Variants in LRRC37A2 observed in about 807,000 individuals in gnomAD.
The protein encoded by LRRC37A2 is leucine rich repeat containing 37 member A2, also known as leucine-rich repeat-containing protein 37A2.
A neutral mutation model predicts 68.8 loss-of-function variants in LRRC37A2; 9 were observed. That is an observed-to-expected ratio of 0.13 (90% CI 0.08 to 0.23). The LOEUF (loss-of-function observed/expected upper bound fraction) is 0.23. Among genes scored for constraint, LRRC37A2 ranks in the 10% least tolerant of loss-of-function variants. The probability of loss-of-function intolerance (pLI) is 1.00; values close to 1 mark genes in which losing one functional copy is unlikely to be tolerated. For missense variants in LRRC37A2, 168 were observed against 950.4 expected (o/e 0.18, Z 10.82); for synonymous variants, 63 against 367.6 (o/e 0.17, Z 9.48).
the LRRC37A2 span, among the ~76,000 whole-genome samples, chr17:46,992,982 A>G: frequency 2.0e-5 from 3 of 150,804 alleles, no homozygotes; most frequent in African/African-American, 7.3e-5. Context: ...GTAAGTTTCT[A>G]TACACACATG....
the LRRC37A2 span, among the ~76,000 whole-genome samples, chr17:46,655,827 C>G: frequency 1.8e-5 from 1 of 56,132 alleles, no homozygotes; most frequent in Non-Finnish European, 3.0e-5. Flanking sequence ...GATACTGTGT[C>G]AGACCAAGGA....
the LRRC37A2 span, among the ~76,000 whole-genome samples, chr17:46,401,538 TC>T: frequency 1.1e-3 from 103 of 96,942 alleles, no homozygotes; most frequent in Admixed American, 2.9e-3. Flanking sequence ...CTGAAAAAGT[TC>T]AGTACATTTC....
At chr17:47,023,613 A>T in the LRRC37A2 span, among the ~76,000 whole-genome samples, 725 of 152,132 alleles carry the variant, frequency 4.8e-3, 3 homozygotes, top group African/African-American at 0.016. Context: ...TTATTTTTTC[A>T]GATGGAATTT....
the LRRC37A2 span, among the ~76,000 whole-genome samples, chr17:46,857,592 C>G: frequency 6.6e-6 from 1 of 151,200 alleles, no homozygotes; most frequent in Non-Finnish European, 1.5e-5. Context: ...TTTCATTTCT[C>G]TTGGATAACT....
chr17:46,676,552 A>G, the LRRC37A2 span, among the ~76,000 whole-genome samples: 2 of 146,000 alleles, frequency 1.4e-5, no homozygotes, highest in African/African-American at 2.7e-5. Context: ...ATTGTAAACC[A>G]TGGATCCTTG....
chr17:47,030,595 A>G, the LRRC37A2 span, among the ~76,000 whole-genome samples: 1 of 151,212 alleles, frequency 6.6e-6, no homozygotes, highest in Non-Finnish European at 1.5e-5. Flanking sequence ...ATAGAGCTGT[A>G]CCCTTCAAAC....
chr17:46,784,699 G>T, the LRRC37A2 span, among the ~76,000 whole-genome samples: 1 of 151,954 alleles, frequency 6.6e-6, no homozygotes, highest in African/African-American at 2.4e-5. Context: ...AGGTCCCCAC[G>T]AGATGCACAG....
At chr17:46,726,601 T>C in the LRRC37A2 span, 3 of 1,613,968 alleles carry the variant, frequency 1.9e-6, no homozygotes, top group Non-Finnish European at 2.5e-6. Flanking sequence ...GTGGATGACA[T>C]TGAGAGATTG....
chr17:46,836,840 T>C, the LRRC37A2 span, among the ~76,000 whole-genome samples: 1 of 152,238 alleles, frequency 6.6e-6, no homozygotes, highest in East Asian at 1.9e-4. Context: ...TTTAAAAAGC[T>C]AGATGTGTGA....
At chr17:46,832,459 G>C in the LRRC37A2 span, among the ~76,000 whole-genome samples, 1 of 152,078 alleles carries the variant, frequency 6.6e-6, no homozygotes, top group Non-Finnish European at 1.5e-5. Context: ...CCTCCTGCCA[G>C]GCCTGTTGCC....
At chr17:46,737,568 TGTGC>T in the LRRC37A2 span, among the ~76,000 whole-genome samples, 2,232 of 100,414 alleles carry the variant, frequency 0.022, 46 homozygotes, top group African/African-American at 0.064. Context: ...CTAGGGTGTG[TGTGC>T]GTGTGTGTGT....
chr17:46,787,296 G>A, the LRRC37A2 span, among the ~76,000 whole-genome samples: 1 of 151,086 alleles, frequency 6.6e-6, no homozygotes, highest in African/African-American at 2.4e-5. Flanking sequence ...TGCTATTGGA[G>A]TAGGGCGGGG....
chr17:46,502,824 C>T, the LRRC37A2 span, among the ~76,000 whole-genome samples: 1 of 151,132 alleles, frequency 6.6e-6, no homozygotes, highest in Admixed American at 6.6e-5. Flanking sequence ...CACCCAGGGG[C>T]TCAGAGCCCT....
At chr17:46,995,192 G>A in the LRRC37A2 span, among the ~76,000 whole-genome samples, 6 of 152,134 alleles carry the variant, frequency 3.9e-5, no homozygotes, top group African/African-American at 9.7e-5. Flanking sequence ...AGCTGGTTAA[G>A]CTCCACGGTC....
At chr17:46,965,191 G>A in the LRRC37A2 span, among the ~76,000 whole-genome samples, 1 of 152,236 alleles carries the variant, frequency 6.6e-6, no homozygotes, top group Admixed American at 6.5e-5. Flanking sequence ...CATAGTGGAA[G>A]GATGTCTCTG....
At chr17:46,493,519 CTTCTTT>C in the LRRC37A2 span, among the ~76,000 whole-genome samples, 4 of 115,200 alleles carry the variant, frequency 3.5e-5, no homozygotes, top group African/African-American at 1.5e-4. Context: ...TATTGTTATT[CTTCTTT>C]TATTTTATTT....
the LRRC37A2 span, among the ~76,000 whole-genome samples, chr17:46,907,321 C>T: frequency 3.3e-5 from 5 of 152,096 alleles, no homozygotes; most frequent in South Asian, 2.1e-4. Context: ...GAAGAAGAAG[C>T]GGAAATGTCA....
the LRRC37A2 span, among the ~76,000 whole-genome samples, chr17:46,955,972 G>A: frequency 6.6e-6 from 1 of 152,166 alleles, no homozygotes; most frequent in Non-Finnish European, 1.5e-5. Flanking sequence ...TCCAGATGCT[G>A]TCTCTCCTCA....
the LRRC37A2 span, among the ~76,000 whole-genome samples, chr17:46,709,257 A>G: frequency 6.6e-6 from 1 of 152,178 alleles, no homozygotes. Context: ...AGTAACTCCA[A>G]GATTTTTTTA....
Sources: gnomAD v4.1 joint callset for allele counts (sites outside exome capture counted in the v4.1 genomes callset) on GRCh38, gnomAD v4.1.1 for gene constraint, MANE v1.5 for transcripts, NCBI Gene and HGNC (gene_info 2026-07-23, HGNC 2026-07-21) for gene names.